Variants in SETX observed in about 807,000 individuals in gnomAD.
SETX encodes the protein senataxin.
SETX carries 90 observed loss-of-function variants against 227.2 expected under a neutral mutation model. That is an observed-to-expected ratio of 0.40 (90% CI 0.33 to 0.47). The LOEUF (loss-of-function observed/expected upper bound fraction) is 0.47. Among genes scored for constraint, SETX ranks in the 20% least tolerant of loss-of-function variants. The pLI is 0.91. For missense variants in SETX, 3,052 were observed against 3,181.5 expected (o/e 0.96, Z 0.98); for synonymous variants, 1,210 against 1,113.2 (o/e 1.09, Z -1.73).
At chr9:132,320,881 G>A (rs1337676167) in intron 10 of SETX, among the ~76,000 whole-genome samples, 1 of 151,726 alleles carries the variant, frequency 6.6e-6, no homozygotes, top group Admixed American at 6.6e-5. Context: ...AGGGATGAAT[G>A]GAACTAACTC....
intron 11 of SETX, 36 bp downstream of exon 11, chr9:132,311,721 T>C (rs773870552): frequency 1.1e-5 from 15 of 1,366,324 alleles, no homozygotes; most frequent in African/African-American, 8.6e-5. Flanking sequence ...CCAATTATTA[T>C]ATCATATATT....
At chr9:132,353,831 C>T (rs1224611319) in intron 1 of SETX, 76 bp from the exon 2 acceptor site, 55 of 152,146 alleles carry the variant, frequency 3.6e-4, no homozygotes, top group Admixed American at 3.5e-3. Flanking sequence ...TGGTATCGAT[C>T]CTATTACAGA....
At chr9:132,292,415 CAAA>C (rs60253119) in intron 15 of SETX, among the ~76,000 whole-genome samples, 3 of 61,090 alleles carry the variant, frequency 4.9e-5, no homozygotes, top group Non-Finnish European at 8.2e-5. Context: ...AGCTGGGGTA[CAAA>C]AAAAAAAAAA....
chr9:132,343,630 T>A (rs1438769732), intron 4 of SETX, among the ~76,000 whole-genome samples: 1 of 152,208 alleles, frequency 6.6e-6, no homozygotes, highest in African/African-American at 2.4e-5. Context: ...TCATAGTTTT[T>A]TCATTAGTGA....
chr9:132,305,968 G>C (rs1160350232), intron 11 of SETX, among the ~76,000 whole-genome samples: 1 of 152,110 alleles, frequency 6.6e-6, no homozygotes, highest in Non-Finnish European at 1.5e-5. Context: ...CTTGGTGAAG[G>C]TTATAGGAAC....
In SETX at chr9:132,346,456, C is replaced by T. The variant is rs1554825315; in HGVS notation, c.193G>A (p.Glu65Lys). 6.2e-7 allele frequency: 1 copy of T among 1,611,076 alleles called. No homozygotes were observed. Among genetic ancestry groups the T allele is most frequent in the Non-Finnish European group, 8.5e-7 (1 of 1,178,024 alleles). The change falls in exon 4 of 26, where the codon GAA becomes AAA. Residue 65 changes from glutamate to lysine, a missense_variant. Transcript: ENST00000224140. Reference protein sequence around the residue: ...PFLHEVLWELETLRLINHFEK... With the variant: ...PFLHEVLWELKTLRLINHFEK... ...AAGTGATTTATGAGACGTAAGGTTT[C>T]TAATTCCCATAAAACCTAGAGGAAA...
At chr9:132,279,310 T>C (rs1280908291) in intron 20 of SETX, among the ~76,000 whole-genome samples, 1 of 152,126 alleles carries the variant, frequency 6.6e-6, no homozygotes, top group Non-Finnish European at 1.5e-5. Flanking sequence ...ATACACCTAA[T>C]GTAAATGACG....
chr9:132,285,653 G>C (rs1349364224), intron 18 of SETX, among the ~76,000 whole-genome samples: 1 of 151,632 alleles, frequency 6.6e-6, no homozygotes, highest in African/African-American at 2.4e-5. Flanking sequence ...AGGCCGAGGT[G>C]GGCGGATCAC....
At chr9:132,340,416 T>C (rs1038435241) in intron 5 of SETX, among the ~76,000 whole-genome samples, 2 of 152,288 alleles carry the variant, frequency 1.3e-5, no homozygotes, top group African/African-American at 2.4e-5. Context: ...TTATTTTTAG[T>C]TTGTGAATTC....
intron 15 of SETX, among the ~76,000 whole-genome samples, chr9:132,293,700 G>A (rs1371793044): frequency 1.3e-5 from 2 of 152,002 alleles, no homozygotes. Context: ...GATTATAAGC[G>A]TGCGCCACTG....
At chr9:132,316,657 T>C (rs1323717457) in intron 10 of SETX, among the ~76,000 whole-genome samples, 1 of 152,258 alleles carries the variant, frequency 6.6e-6, no homozygotes, top group Non-Finnish European at 1.5e-5. Context: ...GCCAGTTTCC[T>C]CTAACGATCC....
At chr9:132,332,328 A>G (rs1035382242) in intron 7 of SETX, among the ~76,000 whole-genome samples, 1 of 152,200 alleles carries the variant, frequency 6.6e-6, no homozygotes, top group Non-Finnish European at 1.5e-5. Flanking sequence ...ATCCATCCTT[A>G]AAAGTCCAGC....
chr9:132,329,447 C>G lies in SETX; in HGVS notation c.2151G>C (p.Glu717Asp). The change falls in exon 10 of 26, where the codon GAG becomes GAC. Residue 717 changes from glutamate (E) to aspartate (D), a missense_variant. Physicochemically the swap from Glu to Asp is conservative, Grantham distance 45 (BLOSUM62 2). Around this residue, in one of 10 missense-constraint regions of SETX, gnomAD observed 1,483 missense variants for 1,312.0 expected, o/e 1.13. Transcript: ENST00000224140. ...ISTRKQKSVKEISSYTPKDCT... is the reference protein window; with the variant it reads ...ISTRKQKSVKDISSYTPKDCT... Reference sequence around the variant, plus strand: ...AGTCCTTTGGTGTATATGAAGAGATCTCTTTTACAGACTTCTGCTTCCTTG... The same window carrying G: ...AGTCCTTTGGTGTATATGAAGAGATGTCTTTTACAGACTTCTGCTTCCTTG... 1 of 1,613,200 alleles carries G rather than the reference C, an allele frequency of 6.2e-7. No individual in the cohort carries two copies. Among genetic ancestry groups the G allele is most frequent in the African/African-American group, 1.3e-5 (1 of 75,040 alleles).
chr9:132,327,995 A>G lies in SETX; in HGVS notation c.3603T>C (p.Ile1201=), dbSNP rs565774066. Residue 1201 remains isoleucine (I), a synonymous_variant, in exon 10 of 26, where the codon ATT becomes ATC. Transcript: ENST00000224140. Reference sequence around the variant, plus strand: ...AATTGGGAGTTGAAGTCCTTCTATCAATACTTTTAAAATCATTTCCCACAA... The same window carrying G: ...AATTGGGAGTTGAAGTCCTTCTATCGATACTTTTAAAATCATTTCCCACAA... ...RDLVGNDFKS[I]DRRTSTPNSR... 3.1e-6 allele frequency: 5 copies of G among 1,613,790 alleles called. No individual in the cohort carries two copies. The East Asian group carries it at 8.9e-5, about 29-fold the overall frequency.
chr9:132,355,299 C>A (rs1003644029), upstream of SETX, among the ~76,000 whole-genome samples: 95 of 152,170 alleles, frequency 6.2e-4, no homozygotes, highest in Non-Finnish European at 2.2e-4. Flanking sequence ...AGCTCTGCTG[C>A]GGGTGGGGTC....
At chr9:132,295,115 T>C (rs1844593714) in intron 15 of SETX, among the ~76,000 whole-genome samples, 1 of 152,226 alleles carries the variant, frequency 6.6e-6, no homozygotes, top group Non-Finnish European at 1.5e-5. Context: ...GTGTTAAGGT[T>C]AAATAAAATG....
chr9:132,314,559 T>C (rs1845856437), intron 10 of SETX, among the ~76,000 whole-genome samples: 1 of 152,142 alleles, frequency 6.6e-6, no homozygotes, highest in Non-Finnish European at 1.5e-5. Flanking sequence ...GGTAATAATG[T>C]AACAATCTCA....
chr9:132,331,244 T>C (rs756081780), intron 8 of SETX, 33 bp downstream of exon 8: 45 of 1,612,972 alleles, frequency 2.8e-5, no homozygotes, highest in Non-Finnish European at 2.2e-5. Context: ...CTTATAGAGA[T>C]GATGTTTAAA....
chr9:132,337,860 T>C (rs1250276181), intron 5 of SETX, among the ~76,000 whole-genome samples: 2 of 152,150 alleles, frequency 1.3e-5, no homozygotes, highest in Non-Finnish European at 2.9e-5. Flanking sequence ...ATTTACATGG[T>C]CTTAAAGTAT....
Sources: allele counts gnomAD v4.1 joint callset (sites outside exome capture counted in the v4.1 genomes callset), GRCh38; gene constraint gnomAD v4.1.1; regional missense constraint gnomAD v4.1.1; transcripts MANE v1.5; gene names NCBI Gene and HGNC (gene_info 2026-07-23, HGNC 2026-07-21).